The following C12orf42 variants were observed in gnomAD, a reference collection of about 807,000 sequenced individuals.
C12orf42 encodes the protein uncharacterized protein C12orf42.
In C12orf42, 25 loss-of-function variants were observed where a neutral mutation model predicts 21.6. The observed-to-expected ratio is 1.16, with a 90% CI of 0.84 to 1.62. C12orf42 has a LOEUF of 1.62. C12orf42 is among the 40% of genes most tolerant of loss of function. The probability of loss-of-function intolerance (pLI) is 0.00; values close to 1 mark genes in which losing one functional copy is unlikely to be tolerated. For missense variants in C12orf42, 483 were observed against 459.3 expected, an observed-to-expected ratio of 1.05 and a Z score of -0.47; for synonymous variants, 174 against 175.0, an observed-to-expected ratio of 0.99 and a Z score of 0.05.
chr12:103,139,667 CT>C, the C12orf42 span, among the ~76,000 whole-genome samples: 21 of 152,092 alleles, frequency 1.4e-4, no homozygotes, highest in Non-Finnish European at 2.6e-4. Context: ...TATAGGCTGA[CT>C]TTGAGGTCCA....
At chr12:103,288,867 T>G (rs2036627900) in intron 4 of C12orf42, among the ~76,000 whole-genome samples, 1 of 152,158 alleles carries the variant, frequency 6.6e-6, no homozygotes, top group Non-Finnish European at 1.5e-5. Flanking sequence ...TTCTAGAAAT[T>G]TTTAGTACTA....
At chr12:103,150,647 G>A in the C12orf42 span, among the ~76,000 whole-genome samples, 2 of 152,126 alleles carry the variant, frequency 1.3e-5, no homozygotes, top group African/African-American at 4.8e-5. Context: ...AGAGATTCCT[G>A]CTATGAATAG....
intron 4 of C12orf42, among the ~76,000 whole-genome samples, chr12:103,330,179 A>G (rs2041117678): frequency 6.6e-6 from 1 of 152,154 alleles, no homozygotes; most frequent in African/African-American, 2.4e-5. Flanking sequence ...TTATTTTTAT[A>G]GTGTTTAATT....
chr12:103,239,730 G>A (rs990070354), intron 10 of C12orf42, among the ~76,000 whole-genome samples: 1 of 152,154 alleles, frequency 6.6e-6, no homozygotes, highest in Non-Finnish European at 1.5e-5. Flanking sequence ...GGAAGTGGGT[G>A]TGCATGAATA....
intron 3 of C12orf42, among the ~76,000 whole-genome samples, 169 bp downstream of exon 3, chr12:103,401,437 GT>G (rs2047982222): frequency 6.6e-6 from 1 of 152,086 alleles, no homozygotes; most frequent in African/African-American, 2.4e-5. Flanking sequence ...GAGATCCAAA[GT>G]TTTCTAGGAA....
At chr12:103,170,581 A>T in the C12orf42 span, among the ~76,000 whole-genome samples, 3 of 37,564 alleles carry the variant, frequency 8.0e-5, no homozygotes, top group Admixed American at 2.7e-4. Flanking sequence ...ATGATCCTTT[A>T]AAAAAAAAAG....
chr12:103,400,705 C>T (rs1312352373), intron 3 of C12orf42, among the ~76,000 whole-genome samples: 3 of 152,182 alleles, frequency 2.0e-5, no homozygotes, highest in Non-Finnish European at 4.4e-5. Context: ...GATTTCTACT[C>T]TTGAATCGTA....
intron 2 of C12orf42, among the ~76,000 whole-genome samples, chr12:103,420,904 C>T (rs998258187): frequency 2.0e-4 from 30 of 152,190 alleles, no homozygotes; most frequent in Non-Finnish European, 3.7e-4. Context: ...AGCAAAATAG[C>T]GTTAATTCCA....
the C12orf42 span, among the ~76,000 whole-genome samples, chr12:103,138,735 T>C: frequency 6.6e-6 from 1 of 152,192 alleles, no homozygotes; most frequent in South Asian, 2.1e-4. Flanking sequence ...CTGGAGCCAA[T>C]CAGACTGCCT....
At chr12:103,489,972 T>C (rs1030702135) in intron 1 of C12orf42, among the ~76,000 whole-genome samples, 4 of 152,144 alleles carry the variant, frequency 2.6e-5, no homozygotes, top group African/African-American at 9.7e-5. Context: ...GTCCAACCAG[T>C]CCCAGTGAGA....
the C12orf42 span, among the ~76,000 whole-genome samples, chr12:103,501,585 TC>T: frequency 6.6e-6 from 1 of 152,202 alleles, no homozygotes; most frequent in Admixed American, 6.5e-5. Flanking sequence ...TGTTGCTTCT[TC>T]CCACCTGTTC....
At chr12:103,386,788 C>T (rs574094653) in intron 3 of C12orf42, among the ~76,000 whole-genome samples, 9 of 152,246 alleles carry the variant, frequency 5.9e-5, no homozygotes, top group Non-Finnish European at 1.0e-4. Context: ...GACTGTTGAC[C>T]GAGACTCCAA....
the C12orf42 span, among the ~76,000 whole-genome samples, chr12:103,157,236 CT>C: frequency 6.6e-6 from 1 of 152,090 alleles, no homozygotes. Context: ...TAATGTTGAG[CT>C]TTTTTTCATG....
intron 3 of C12orf42, among the ~76,000 whole-genome samples, chr12:103,395,300 G>C (rs2047423872): frequency 6.6e-6 from 1 of 150,868 alleles, no homozygotes; most frequent in South Asian, 2.1e-4. Context: ...AATTTAGTAA[G>C]AACACTAATA....
At chr12:103,221,754 G>A in the C12orf42 span, among the ~76,000 whole-genome samples, 3 of 152,178 alleles carry the variant, frequency 2.0e-5, no homozygotes, top group Non-Finnish European at 4.4e-5. Context: ...TTGGCTTTCA[G>A]CATTTATAAC....
At chr12:103,073,133 A>C in the C12orf42 span, among the ~76,000 whole-genome samples, 1 of 152,172 alleles carries the variant, frequency 6.6e-6, no homozygotes, top group African/African-American at 2.4e-5. Context: ...TGATGAGAAC[A>C]CACGGACATA....
At chr12:103,341,407 C>CATGCA (rs1370594289) in intron 4 of C12orf42, among the ~76,000 whole-genome samples, 1 of 152,060 alleles carries the variant, frequency 6.6e-6, no homozygotes, top group Non-Finnish European at 1.5e-5. Flanking sequence ...AAGTCCAATA[C>CATGCA]ATGCACAATT....
At chr12:103,515,263 G>T in the C12orf42 span, among the ~76,000 whole-genome samples, 2 of 152,114 alleles carry the variant, frequency 1.3e-5, no homozygotes. Context: ...AAAAAATATT[G>T]TTGCTGTTTT....
chr12:103,109,159 A>G, the C12orf42 span, among the ~76,000 whole-genome samples: 1 of 152,214 alleles, frequency 6.6e-6, no homozygotes, highest in Admixed American at 6.5e-5. Flanking sequence ...AAGAAGAATT[A>G]GGAGGGGAAA....
Sources: gnomAD v4.1 joint callset for allele counts (sites outside exome capture counted in the v4.1 genomes callset) on GRCh38, gnomAD v4.1.1 for gene constraint, MANE v1.5 for transcripts, NCBI Gene and HGNC (gene_info 2026-07-23, HGNC 2026-07-21) for gene names.